FUT8: variants seen among roughly 807,000 people sequenced by gnomAD.
The protein encoded by FUT8 is fucosyltransferase 8, also known as alpha-(1,6)-fucosyltransferase.
In FUT8, 29 loss-of-function variants were observed where a neutral mutation model predicts 71.3. The observed-to-expected ratio is 0.41, with a 90% CI of 0.30 to 0.55. The LOEUF (loss-of-function observed/expected upper bound fraction) is 0.55. Among genes scored for constraint, FUT8 ranks in the 20% least tolerant of loss-of-function variants. The probability of loss-of-function intolerance (pLI) is 0.34; values close to 1 mark genes in which losing one functional copy is unlikely to be tolerated. For synonymous variants in FUT8, 254 were observed against 239.3 expected (o/e 1.06, Z -0.57); for missense variants, 544 against 702.1 (o/e 0.77, Z 2.55).
At chr14:65,500,355 GTCA>G (rs146945236) in intron 2 of FUT8, among the ~76,000 whole-genome samples, 3 of 152,014 alleles carry the variant, frequency 2.0e-5, no homozygotes, top group African/African-American at 4.8e-5. Context: ...CATCATTGTC[GTCA>G]TCATCATCAT....
intron 1 of FUT8, among the ~76,000 whole-genome samples, chr14:65,440,561 G>C (rs989127623): frequency 1.3e-5 from 2 of 152,094 alleles, no homozygotes; most frequent in Non-Finnish European, 2.9e-5. Context: ...TAATTAGCTT[G>C]ATTTAATCAT....
At chr14:65,609,185 C>T (rs1204442956) in intron 3 of FUT8, among the ~76,000 whole-genome samples, 15 of 151,372 alleles carry the variant, frequency 9.9e-5, no homozygotes, top group Non-Finnish European at 1.9e-4. Context: ...GTCCCAGCTA[C>T]TTGGGAGGCT....
intron 10 of FUT8, among the ~76,000 whole-genome samples, chr14:65,741,258 TG>T (rs1896481613): frequency 6.6e-6 from 1 of 151,860 alleles, no homozygotes. Context: ...GTAATCAGGG[TG>T]ATGCATTTCC....
At chr14:65,386,430 G>T in the FUT8 span, among the ~76,000 whole-genome samples, 1 of 149,818 alleles carries the variant, frequency 6.7e-6, no homozygotes. Flanking sequence ...CTGAGCCCAG[G>T]GAGGCAGAGG....
rs2065166053 is a variant in FUT8, at chr14:65,413,287, G to A, written c.-326+73G>A. On this transcript the variant is annotated intron_variant, in intron 1 of 10. Transcript: ENST00000673929. The surrounding 1 kb of genome is among the most constrained non-coding windows in gnomAD (Gnocchi z 4.1). ...GGCTGGGCTGCGCGCGGGATCTGAG[G>A]AGGCTCCGCGGCTGTCCCTGCTCGT... 6.6e-6 allele frequency: 1 copy of A among 152,370 alleles called. No homozygotes were observed. Among genetic ancestry groups the A allele is most frequent in the Non-Finnish European group, 1.5e-5 (1 of 68,168 alleles). The allele number at this position is 152,370 out of a possible 1,614,324, so 9.4% of individuals were successfully genotyped here.
intron 7 of FUT8, among the ~76,000 whole-genome samples, chr14:65,713,951 G>C (rs1232799353): frequency 6.6e-6 from 1 of 152,180 alleles, no homozygotes; most frequent in African/African-American, 2.4e-5. Context: ...ACCCACTCCA[G>C]TGTCCTGGAG....
chr14:65,430,062 C>T (rs1425353468), intron 1 of FUT8, among the ~76,000 whole-genome samples: 1 of 148,142 alleles, frequency 6.8e-6, no homozygotes, highest in Non-Finnish European at 1.5e-5. Flanking sequence ...CTCTGTTGCC[C>T]AGGCTGTAGT....
intron 2 of FUT8, among the ~76,000 whole-genome samples, chr14:65,511,059 C>G (rs1882306924): frequency 6.6e-6 from 1 of 152,014 alleles, no homozygotes; most frequent in Non-Finnish European, 1.5e-5. Context: ...AAAATTCCCT[C>G]TTAGTACAGC....
chr14:65,649,651 A>G (rs1311328810), intron 6 of FUT8, among the ~76,000 whole-genome samples: 2 of 152,234 alleles, frequency 1.3e-5, no homozygotes, highest in African/African-American at 4.8e-5. Context: ...CAAAGCCTAC[A>G]CACTACAGAG....
intron 1 of FUT8, among the ~76,000 whole-genome samples, chr14:65,441,609 C>T (rs1348120037): frequency 2.0e-5 from 3 of 151,716 alleles, no homozygotes; most frequent in East Asian, 1.9e-4. Context: ...AAAAATTAGC[C>T]GGGTGTGGTG....
intron 7 of FUT8, among the ~76,000 whole-genome samples, chr14:65,697,277 T>C (rs1894042493): frequency 6.6e-6 from 1 of 152,214 alleles, no homozygotes; most frequent in Non-Finnish European, 1.5e-5. Context: ...TTTGTCTCCC[T>C]TGTCTTTAGG....
At chr14:65,443,123 G>C (rs571888108) in intron 1 of FUT8, among the ~76,000 whole-genome samples, 1 of 152,186 alleles carries the variant, frequency 6.6e-6, no homozygotes, top group Non-Finnish European at 1.5e-5. Context: ...AAAATGAAGA[G>C]TTTTGGGGTG....
intron 6 of FUT8, among the ~76,000 whole-genome samples, chr14:65,667,371 C>T (rs997669825): frequency 6.6e-6 from 1 of 152,118 alleles, no homozygotes; most frequent in African/African-American, 2.4e-5. Flanking sequence ...CATTTCTATA[C>T]ATCAGTAATA....
At position 65,509,433 on chromosome 14, in the gene FUT8, G is replaced by GT. The variant is rs988277245; in HGVS notation, c.-227-51896dup. On this transcript the variant is annotated intron_variant, in intron 2 of 10. Transcript: ENST00000673929. ...TTTGTGGTTCCCTATAAATTTTAGG[G>GT]TTTTTTTTATATCTCTGTTAAGAGT... 1.2e-4 allele frequency among the ~76,000 whole-genome samples: 18 copies of GT among 151,658 alleles called. No homozygotes were observed. In the South Asian group the frequency reaches 1.3e-3, roughly 11 times the overall value.
At chr14:65,456,770 G>T (rs2065899402) in intron 2 of FUT8, among the ~76,000 whole-genome samples, 1 of 151,664 alleles carries the variant, frequency 6.6e-6, no homozygotes, top group Non-Finnish European at 1.5e-5. Context: ...CTATTTGGGA[G>T]GCCGAGGTAG....
chr14:65,524,871 T>A (rs983169963), intron 2 of FUT8, among the ~76,000 whole-genome samples: 2 of 152,178 alleles, frequency 1.3e-5, no homozygotes, highest in South Asian at 4.1e-4. Context: ...TATGCTGGAT[T>A]ATGTTTATTG....
chr14:65,438,200 A>G (rs1261815070), intron 1 of FUT8, among the ~76,000 whole-genome samples: 2 of 152,170 alleles, frequency 1.3e-5, no homozygotes, highest in African/African-American at 4.8e-5. Flanking sequence ...AGAGAAGGAA[A>G]GTTTACATTC....
At chr14:65,384,361 G>A in the FUT8 span, among the ~76,000 whole-genome samples, 1 of 152,232 alleles carries the variant, frequency 6.6e-6, no homozygotes, top group African/African-American at 2.4e-5. The surrounding 1 kb of genome is among the most constrained non-coding windows in gnomAD (Gnocchi z 4.2). Flanking sequence ...TGATCCTCCT[G>A]CTTCAGCCTC....
chr14:65,522,103 A>G (rs1428713804), intron 2 of FUT8, among the ~76,000 whole-genome samples: 3 of 152,246 alleles, frequency 2.0e-5, no homozygotes, highest in Admixed American at 6.5e-5. Flanking sequence ...TGTCTCATCT[A>G]TGCATGGGAA....
Sources: allele counts gnomAD v4.1 joint callset (sites outside exome capture counted in the v4.1 genomes callset), GRCh38; gene constraint gnomAD v4.1.1; non-coding constraint Gnocchi (gnomAD v3.1); transcripts MANE v1.5; gene names NCBI Gene and HGNC (gene_info 2026-07-23, HGNC 2026-07-21).